Variants in ZMIZ1 observed in about 807,000 individuals in gnomAD.
ZMIZ1 encodes zinc finger MIZ domain-containing protein 1.
Under a neutral mutation model 113.9 loss-of-function variants are expected in ZMIZ1, and 17 were observed. The ratio of observed to expected loss-of-function variants is 0.15; its 90% CI spans 0.10 to 0.22. ZMIZ1 has a LOEUF of 0.22. Among genes scored for constraint, ZMIZ1 ranks in the 10% least tolerant of loss-of-function variants. The probability of loss-of-function intolerance (pLI) is 1.00; values close to 1 mark genes in which losing one functional copy is unlikely to be tolerated. For synonymous variants in ZMIZ1, 607 were observed against 603.1 expected (o/e 1.01, Z -0.09); for missense variants, 1,059 against 1,477.8 (o/e 0.72, Z 4.65).
intron 7 of ZMIZ1, among the ~76,000 whole-genome samples, chr10:79,229,736 G>C (rs1416043685): frequency 1.3e-5 from 2 of 152,150 alleles, no homozygotes; most frequent in African/African-American, 4.8e-5. Flanking sequence ...CACAGACCCA[G>C]ACCTGGCAGG....
chr10:79,303,552 G>A (rs903076497), intron 18 of ZMIZ1, among the ~76,000 whole-genome samples: 6 of 151,200 alleles, frequency 4.0e-5, no homozygotes, highest in Non-Finnish European at 8.8e-5. Flanking sequence ...CTGTGCAAGA[G>A]GTACAGGGCC....
intron 4 of ZMIZ1, among the ~76,000 whole-genome samples, chr10:79,199,189 C>T (rs1255198713): frequency 6.6e-6 from 1 of 151,502 alleles, no homozygotes; most frequent in East Asian, 2.0e-4. Context: ...TTCATCATAC[C>T]TAGGAATACT....
In ZMIZ1 at chr10:79,267,213, G is replaced by A. The variant is rs75794046; in HGVS notation, c.281-9968G>A. On this transcript the variant is annotated intron_variant, in intron 7 of 24. Coordinates refer to ENST00000334512, the MANE Select transcript of ZMIZ1 (RefSeq NM_020338.4). ...GTGGGCACAGTTGGGTGCTAGGGGA[G>A]CACCCAGTCCAGTAGGGAAGGGGGC... Among the ~76,000 whole-genome samples, 485 of 152,342 alleles carry A rather than the reference G, an allele frequency of 3.2e-3. 1 individual carries two copies. The highest frequency in any genetic ancestry group is 0.011 in the African/African-American group (469 of 41,582).
intron 8 of ZMIZ1, among the ~76,000 whole-genome samples, chr10:79,289,080 T>G (rs1853290839): frequency 6.6e-6 from 1 of 152,148 alleles, no homozygotes; most frequent in Non-Finnish European, 1.5e-5. Context: ...GGACTCTGCC[T>G]TATAAATGCT....
intron 1 of ZMIZ1, among the ~76,000 whole-genome samples, chr10:79,106,925 C>T (rs1564654020): frequency 6.6e-6 from 1 of 152,252 alleles, no homozygotes; most frequent in Non-Finnish European, 1.5e-5. Flanking sequence ...TTCTTGAGTG[C>T]CCCTGCCTGA....
At chr10:79,306,604 C>A (rs922931493) in intron 22 of ZMIZ1, among the ~76,000 whole-genome samples, 1 of 152,176 alleles carries the variant, frequency 6.6e-6, no homozygotes, top group Non-Finnish European at 1.5e-5. Flanking sequence ...TTGGCCTTAC[C>A]CCTTGCCCTC....
At chr10:79,179,478 G>A (rs1377964163) in intron 4 of ZMIZ1, among the ~76,000 whole-genome samples, 1 of 152,240 alleles carries the variant, frequency 6.6e-6, no homozygotes, top group Non-Finnish European at 1.5e-5. Context: ...AGTCTCTGGG[G>A]CACCACGCCT....
At chr10:79,149,461 A>G (rs1390864395) in intron 3 of ZMIZ1, among the ~76,000 whole-genome samples, 2 of 152,182 alleles carry the variant, frequency 1.3e-5, no homozygotes, top group Non-Finnish European at 2.9e-5. Context: ...ACCTGTGGAC[A>G]GGTGAGCCTC....
Position 79,206,467 on chromosome 10 carries a change from C to T in ZMIZ1, c.61-1869C>T, listed in dbSNP as rs1396137591. Reference sequence around the variant, plus strand: ...ATCAGCTGATTTGCATGGCTTTCCACGTGCAGCCTAGATACCACCTGTGGC... The same window carrying T: ...ATCAGCTGATTTGCATGGCTTTCCATGTGCAGCCTAGATACCACCTGTGGC... On this transcript the variant is annotated intron_variant, in intron 5 of 24. Transcript: ENST00000334512. Among the ~76,000 whole-genome samples the T allele has an allele frequency of 1.3e-5, 2 of 152,190 alleles. 1 individual carries two copies. Among genetic ancestry groups the T allele is most frequent in the Admixed American group, 1.3e-4 (2 of 15,286 alleles).
intron 7 of ZMIZ1, among the ~76,000 whole-genome samples, chr10:79,254,624 G>A (rs1037934102): frequency 3.9e-5 from 6 of 152,252 alleles, no homozygotes; most frequent in African/African-American, 1.4e-4. Flanking sequence ...GGCAGGTCTG[G>A]GTGACCAAGT....
intron 3 of ZMIZ1, among the ~76,000 whole-genome samples, chr10:79,142,717 C>T (rs1285625567): frequency 1.3e-5 from 2 of 152,258 alleles, no homozygotes; most frequent in Non-Finnish European, 2.9e-5. Flanking sequence ...CTGGCCGGCA[C>T]TCCCTGACCC....
chr10:79,198,485 G>T (rs1444771292), intron 4 of ZMIZ1, among the ~76,000 whole-genome samples: 1 of 152,116 alleles, frequency 6.6e-6, no homozygotes, highest in Non-Finnish European at 1.5e-5. Flanking sequence ...GAGAAATTGG[G>T]CTTCAGGGTG....
intron 8 of ZMIZ1, among the ~76,000 whole-genome samples, chr10:79,278,925 A>G (rs962365916): frequency 2.0e-5 from 3 of 152,186 alleles, no homozygotes; most frequent in Non-Finnish European, 2.9e-5. Context: ...CATCATCATC[A>G]TGGCCCGTTC....
At chr10:79,303,980 G>C in intron 18 of ZMIZ1, 35 bp from the exon 19 acceptor site, 1 of 1,612,180 alleles carries the variant, frequency 6.2e-7, no homozygotes, top group Non-Finnish European at 8.5e-7. Context: ...GGACTGTCTT[G>C]CCATCCTCAC....
chr10:79,309,972 G>A (rs952420907), intron 23 of ZMIZ1, among the ~76,000 whole-genome samples: 4 of 152,154 alleles, frequency 2.6e-5, no homozygotes, highest in Non-Finnish European at 5.9e-5. Flanking sequence ...TTTGAAGGAG[G>A]ATCTGCTTGG....
intron 8 of ZMIZ1, among the ~76,000 whole-genome samples, chr10:79,288,986 A>T (rs180812239): frequency 2.0e-5 from 3 of 152,282 alleles, no homozygotes; most frequent in Admixed American, 6.5e-5. Context: ...GGGCAGGGGC[A>T]GCTCCACGAG....
chr10:79,143,599 G>A (rs995130841), intron 3 of ZMIZ1, among the ~76,000 whole-genome samples: 1 of 152,176 alleles, frequency 6.6e-6, no homozygotes, highest in East Asian at 1.9e-4. Context: ...GGGTTTCTGC[G>A]CTGAGAACTG....
At chr10:79,232,753 C>G (rs1354036672) in intron 7 of ZMIZ1, among the ~76,000 whole-genome samples, 2 of 152,188 alleles carry the variant, frequency 1.3e-5, no homozygotes, top group Non-Finnish European at 1.5e-5. Context: ...CTCCTTTCAG[C>G]TTTACGAAAA....
At chr10:79,231,759 G>A (rs1486829958) in intron 7 of ZMIZ1, among the ~76,000 whole-genome samples, 1 of 152,042 alleles carries the variant, frequency 6.6e-6, no homozygotes, top group Non-Finnish European at 1.5e-5. Flanking sequence ...ACAATTTTTA[G>A]TAGAGATGGG....
Sources: allele counts gnomAD v4.1 joint callset (sites outside exome capture counted in the v4.1 genomes callset), GRCh38; gene constraint gnomAD v4.1.1; transcripts MANE v1.5; gene names NCBI Gene and HGNC (gene_info 2026-07-23, HGNC 2026-07-21).